The following FOXN3 variants were observed in gnomAD, a reference collection of about 807,000 sequenced individuals.
FOXN3 encodes the protein forkhead box N3.
Under a neutral mutation model 38.4 loss-of-function variants are expected in FOXN3, and 7 were observed. That is an observed-to-expected ratio of 0.18 (90% confidence interval 0.10 to 0.34). The LOEUF is 0.34. Among genes scored for constraint, FOXN3 ranks in the 10% least tolerant of loss-of-function variants. The pLI is 1.00. For missense variants in FOXN3, 456 were observed against 613.4 expected (o/e 0.74, Z 2.71); for synonymous variants, 230 against 242.2 (o/e 0.95, Z 0.47).
At chr14:89,290,657 T>C (rs970438013) in intron 3 of FOXN3, 5 of 453,010 alleles carry the variant, frequency 1.1e-5, no homozygotes, top group African/African-American at 2.1e-5. Flanking sequence ...CGGGTGCATG[T>C]TGCTGGGAAG....
chr14:89,264,493 T>C (rs116713113), intron 4 of FOXN3, among the ~76,000 whole-genome samples: 7,270 of 152,212 alleles, frequency 0.048, 563 homozygotes, highest in African/African-American at 0.17. Context: ...TTATGAGAGC[T>C]ACAATTCAAG....
Position 89,164,398 on chromosome 14 carries a change from C to G in FOXN3, c.852-1429G>C, listed in dbSNP as rs563724217. 1.9e-3 allele frequency among the ~76,000 whole-genome samples: 283 copies of G among 152,308 alleles called. No homozygotes were observed. The highest frequency in any genetic ancestry group is 3.4e-3 in the Middle Eastern group (1 of 294). ...CCCGGTTTCCTGTAAGCTCATCTAC[C>G]TCGTGATCCATTTCTAAGAGTTCTG... On this transcript the variant is annotated intron_variant, in intron 5 of 5. Transcript: ENST00000557258. This position sits in a 1 kb window ranked among gnomAD's most constrained non-coding sequence, Gnocchi z 4.3.
chr14:89,615,861 G>T (rs1896484519), intron 1 of FOXN3, among the ~76,000 whole-genome samples: 1 of 152,082 alleles, frequency 6.6e-6, no homozygotes, highest in Admixed American at 6.5e-5. Flanking sequence ...CATTAAAATA[G>T]AGTTAGGACT....
rs569320851 is a variant in FOXN3, at chr14:89,546,389, G to T, written c.-15+72639C>A. Among the ~76,000 whole-genome samples, 6 of 136,812 alleles carry T rather than the reference G, an allele frequency of 4.4e-5. 1 individual carries two copies. The highest frequency in any genetic ancestry group is 4.0e-4 in the Admixed American group (5 of 12,502). The allele number at this position is 136,812 out of a possible 152,430, so 89.8% of individuals were successfully genotyped here. On this transcript the variant is annotated intron_variant, in intron 1 of 6. Coordinates refer to the FOXN3 transcript ENST00000345097. The stretch of plus-strand genomic sequence containing the variant: ...TCTGTCACCAGGCTGGAGTGTGGTG[G>T]CGCAATCTCGGCTCGCTGCAAGCTC...
At chr14:89,396,296 A>T (rs1891096752) in intron 2 of FOXN3, among the ~76,000 whole-genome samples, 1 of 152,238 alleles carries the variant, frequency 6.6e-6, no homozygotes, top group African/African-American at 2.4e-5. Context: ...CCAGTTAATC[A>T]GAGTCCTTGA....
intron 2 of FOXN3, chr14:89,400,090 A>T (rs1298962012): frequency 6.6e-6 from 1 of 152,214 alleles, no homozygotes; most frequent in Non-Finnish European, 1.5e-5. Flanking sequence ...CTCTTGGTAC[A>T]AAAGTAAAGG....
intron 2 of FOXN3, among the ~76,000 whole-genome samples, chr14:89,397,216 T>C (rs754704415): frequency 1.3e-5 from 2 of 151,990 alleles, no homozygotes; most frequent in Non-Finnish European, 2.9e-5. Flanking sequence ...TTCTCACTTA[T>C]AAGTGGGAGC....
intron 1 of FOXN3, among the ~76,000 whole-genome samples, chr14:89,541,343 C>T (rs1180786276): frequency 6.6e-6 from 1 of 152,106 alleles, no homozygotes; most frequent in Admixed American, 6.6e-5. Flanking sequence ...AGGAGGTCAG[C>T]ACAAGATACA....
At chr14:89,453,314 T>G (rs555339596) in intron 1 of FOXN3, among the ~76,000 whole-genome samples, 5 of 151,914 alleles carry the variant, frequency 3.3e-5, no homozygotes, top group Admixed American at 3.3e-4. Context: ...CCCAGCACTT[T>G]GGGAGGCCGA....
intron 1 of FOXN3, among the ~76,000 whole-genome samples, chr14:89,511,146 TTTC>T (rs1472545229): frequency 0.6 from 26,346 of 43,654 alleles, 11,287 homozygotes; most frequent in Non-Finnish European, 0.82. Context: ...CTTTCTTTTC[TTTC>T]TTTCTTTCTT....
In FOXN3 at chr14:89,519,180, C is replaced by T. The variant is rs1029664715; in HGVS notation, c.-15+99848G>A. On this transcript the variant is annotated intron_variant, in intron 1 of 6. Coordinates refer to the FOXN3 transcript ENST00000345097. Reference sequence around the variant, plus strand: ...AGACGAGTGGGCTAAGCCCCAGCTGCAGATGCCTGCGGTAGCACAGACTAC... The same window carrying T: ...AGACGAGTGGGCTAAGCCCCAGCTGTAGATGCCTGCGGTAGCACAGACTAC... 3.8e-4 allele frequency among the ~76,000 whole-genome samples: 58 copies of T among 152,144 alleles called. 1 individual carries two copies. The highest frequency in any genetic ancestry group is 1.3e-4 in the Non-Finnish European group (9 of 68,040).
At position 89,417,119 on chromosome 14, in the gene FOXN3, C is replaced by A. The variant is rs1416099146; in HGVS notation, c.-263G>T. Reference sequence around the variant, plus strand: ...GCGCCGCGCGTCCTCCCGCCGGCCCCGCCGCTCTCCCCGCCCCGTCCCGCC... The same window carrying A: ...GCGCCGCGCGTCCTCCCGCCGGCCCAGCCGCTCTCCCCGCCCCGTCCCGCC... On this transcript the variant is annotated 5_prime_UTR_variant, in exon 1 of 6. Coordinates refer to ENST00000557258, the MANE Select transcript of FOXN3 (RefSeq NM_005197.4). The A allele has an allele frequency of 6.9e-6, 1 of 144,342 alleles. No individual in the cohort carries two copies. Among genetic ancestry groups the A allele is most frequent in the Admixed American group, 6.8e-5 (1 of 14,652 alleles). 8.9% of individuals were successfully genotyped at this position (144,342 alleles called of 1,614,324 possible). A position where few individuals can be genotyped will look rare whatever the true frequency, so the allele number is the denominator to read the frequency against.
At chr14:89,168,473 A>G (rs888025577) in intron 5 of FOXN3, among the ~76,000 whole-genome samples, 2 of 152,058 alleles carry the variant, frequency 1.3e-5, no homozygotes, top group African/African-American at 4.8e-5. Flanking sequence ...TCAAAAATAA[A>G]TTAATTAATC....
chr14:89,558,661 G>A (rs528090420), intron 1 of FOXN3, among the ~76,000 whole-genome samples: 4 of 152,358 alleles, frequency 2.6e-5, no homozygotes, highest in African/African-American at 7.2e-5. Context: ...CTCAGGTCAG[G>A]ATGAGTCCAA....
At chr14:89,344,270 A>G (rs1377746069) in intron 3 of FOXN3, among the ~76,000 whole-genome samples, 1 of 135,902 alleles carries the variant, frequency 7.4e-6, no homozygotes, top group East Asian at 1.9e-4. Flanking sequence ...CATTAAAGAA[A>G]AAAAAAAAAA....
At chr14:89,408,934 G>A (rs1891460949) in intron 2 of FOXN3, among the ~76,000 whole-genome samples, 1 of 152,146 alleles carries the variant, frequency 6.6e-6, no homozygotes, top group African/African-American at 2.4e-5. Flanking sequence ...TCACTGGGCA[G>A]AGTATCAGGG....
intron 1 of FOXN3, among the ~76,000 whole-genome samples, chr14:89,479,303 T>C (rs546494956): frequency 2.6e-5 from 4 of 152,276 alleles, no homozygotes; most frequent in African/African-American, 9.6e-5. Flanking sequence ...TCAGCCTTTA[T>C]ACCCTCTCTC....
intron 3 of FOXN3, among the ~76,000 whole-genome samples, chr14:89,339,512 G>T (rs1888555525): frequency 6.6e-6 from 1 of 152,178 alleles, no homozygotes; most frequent in Non-Finnish European, 1.5e-5. Flanking sequence ...GCAAGCGTGT[G>T]GTTCTCTCGG....
chr14:89,308,427 C>T (rs1232454159), intron 3 of FOXN3, among the ~76,000 whole-genome samples: 3 of 152,264 alleles, frequency 2.0e-5, no homozygotes, highest in Non-Finnish European at 4.4e-5. Flanking sequence ...CACGCACTTG[C>T]TGTGGCCACT....
Sources: gnomAD v4.1 joint callset for allele counts (sites outside exome capture counted in the v4.1 genomes callset) on GRCh38, gnomAD v4.1.1 for gene constraint, Gnocchi (gnomAD v3.1) non-coding constraint, MANE v1.5 for transcripts, NCBI Gene and HGNC (gene_info 2026-07-23, HGNC 2026-07-21) for gene names.